Variants in TSPAN9 observed in about 807,000 individuals in gnomAD.
TSPAN9 encodes tetraspanin 9, also known as tetraspanin-9.
TSPAN9 carries 16 observed loss-of-function variants against 31.0 expected under a neutral mutation model. The ratio of observed to expected loss-of-function variants is 0.52; its 90% CI spans 0.35 to 0.78. The LOEUF is 0.78. Among genes scored for constraint, TSPAN9 ranks in the 30% least tolerant of loss-of-function variants. TSPAN9 has a pLI of 0.01. For missense variants in TSPAN9, 272 were observed against 312.5 expected, an observed-to-expected ratio of 0.87 and a Z score of 0.98; for synonymous variants, 145 against 121.6, an observed-to-expected ratio of 1.19 and a Z score of -1.27.
In TSPAN9 at chr12:3,192,282, A is replaced by G. The variant is rs892820448; in HGVS notation, c.-17-8895A>G. Among the ~76,000 whole-genome samples, 3 of 152,204 alleles carry G rather than the reference A, an allele frequency of 2.0e-5. No homozygotes were observed. Among genetic ancestry groups the G allele is most frequent in the African/African-American group, 7.2e-5 (3 of 41,456 alleles). ...TGATGAGGTTACAGTGGAGAGGCACATGAGTGGGAAGATTGCATTGGCTGC... is the reference window on the plus strand; with the variant it reads ...TGATGAGGTTACAGTGGAGAGGCACGTGAGTGGGAAGATTGCATTGGCTGC... On this transcript the variant is annotated intron_variant, in intron 2 of 8. Transcript: ENST00000011898. This position sits in a 1 kb window ranked among gnomAD's most constrained non-coding sequence, Gnocchi z 4.6.
chr12:3,241,214 A>C (rs1184156495), intron 3 of TSPAN9, among the ~76,000 whole-genome samples: 1 of 152,244 alleles, frequency 6.6e-6, no homozygotes, highest in African/African-American at 2.4e-5. Context: ...ATAAAGGACA[A>C]TTAAAAGCAA....
chr12:3,176,721 GA>G (rs1213402216), intron 2 of TSPAN9, among the ~76,000 whole-genome samples: 1 of 152,224 alleles, frequency 6.6e-6, no homozygotes, highest in Non-Finnish European at 1.5e-5. Flanking sequence ...CTACATTAGG[GA>G]AAATCCCAAG....
intron 3 of TSPAN9, among the ~76,000 whole-genome samples, chr12:3,213,717 C>T (rs2098379968): frequency 6.6e-6 from 1 of 152,160 alleles, no homozygotes; most frequent in South Asian, 2.1e-4. Flanking sequence ...TCACAAAAGC[C>T]ACTCCGTAGA....
chr12:3,164,305 AAG>A (rs2098347159), intron 2 of TSPAN9, among the ~76,000 whole-genome samples: 1 of 152,232 alleles, frequency 6.6e-6, no homozygotes, highest in African/African-American at 2.4e-5. Flanking sequence ...GCAGAAATGA[AAG>A]AGGAGTTTGC....
intron 2 of TSPAN9, among the ~76,000 whole-genome samples, chr12:3,178,907 G>A (rs2098357341): frequency 6.6e-6 from 1 of 152,228 alleles, no homozygotes; most frequent in African/African-American, 2.4e-5. Context: ...GAGACACCCT[G>A]TGGCTCGCGC....
At chr12:3,220,019 C>G (rs2098383505) in intron 3 of TSPAN9, among the ~76,000 whole-genome samples, 2 of 151,870 alleles carry the variant, frequency 1.3e-5, no homozygotes, top group South Asian at 4.2e-4. Flanking sequence ...GTGGCGCATG[C>G]TTGTAGTCCC....
At chr12:3,166,887 C>T (rs1241591027) in intron 2 of TSPAN9, among the ~76,000 whole-genome samples, 2 of 152,206 alleles carry the variant, frequency 1.3e-5, no homozygotes, top group African/African-American at 4.8e-5. Flanking sequence ...ACCTCCACCT[C>T]CCAGGTTCAA....
At position 3,103,496 on chromosome 12, in the gene TSPAN9, A is replaced by C. The variant is rs1239415059; in HGVS notation, c.-18+19777A>C. On this transcript the variant is annotated intron_variant, in intron 2 of 8. Transcript: ENST00000011898. ...GTGGTGAATCGGACTGGACGTGCCC[A>C]CCTGGGGACCTCAAAGGTCCCTAAA... Among the ~76,000 whole-genome samples, 6 of 141,272 alleles carry C rather than the reference A, an allele frequency of 4.2e-5. No individual in the cohort carries two copies. In the East Asian group the frequency reaches 9.6e-4, roughly 23 times the overall value. The allele number at this position is 141,272 out of a possible 152,430, so 92.7% of individuals were successfully genotyped here.
At position 3,283,395 on chromosome 12, in the gene TSPAN9, A is replaced by T; in HGVS notation, c.*279A>T. ...CAGGGTGGGCTGGGGTGCGCTCCGGAGGAACCCCCGGCACTGATGGGCTTC... is the reference window on the plus strand; with the variant it reads ...CAGGGTGGGCTGGGGTGCGCTCCGGTGGAACCCCCGGCACTGATGGGCTTC... On this transcript the variant is annotated 3_prime_UTR_variant, in exon 9 of 9. Transcript: ENST00000011898. 2.7e-6 allele frequency: 1 copy of T among 374,584 alleles called. No individual in the cohort carries two copies. The highest frequency in any genetic ancestry group is 4.8e-6 in the Non-Finnish European group (1 of 207,212). The allele number at this position is 374,584 out of a possible 1,614,324, so 23.2% of individuals were successfully genotyped here.
At chr12:3,175,921 A>T (rs2098355284) in intron 2 of TSPAN9, among the ~76,000 whole-genome samples, 1 of 152,138 alleles carries the variant, frequency 6.6e-6, no homozygotes, top group South Asian at 2.1e-4. Flanking sequence ...TGCATATTAA[A>T]CAGACCCACA....
At chr12:3,134,543 C>T (rs1798313422) in intron 2 of TSPAN9, among the ~76,000 whole-genome samples, 1 of 152,210 alleles carries the variant, frequency 6.6e-6, no homozygotes, top group South Asian at 2.1e-4. Flanking sequence ...CTTGCCTCCG[C>T]TCGGGGCTGC....
intron 2 of TSPAN9, among the ~76,000 whole-genome samples, chr12:3,169,829 G>C (rs1434720531): frequency 1.3e-5 from 2 of 152,212 alleles, no homozygotes; most frequent in Non-Finnish European, 2.9e-5. Flanking sequence ...GGGTGGGCAG[G>C]GTGGCTTCCT....
chr12:3,188,187 A>T (rs1436303692), intron 2 of TSPAN9, among the ~76,000 whole-genome samples: 1 of 152,200 alleles, frequency 6.6e-6, no homozygotes, highest in African/African-American at 2.4e-5. Flanking sequence ...CCTCATGGTC[A>T]CACTTAACCC....
At chr12:3,257,150 G>A (rs996532659) in intron 3 of TSPAN9, among the ~76,000 whole-genome samples, 37 of 152,074 alleles carry the variant, frequency 2.4e-4, no homozygotes, top group African/African-American at 7.5e-4. Context: ...GTGCTGCTCT[G>A]TGGGTCTTGG....
chr12:3,183,566 G>A (rs2098359518), intron 2 of TSPAN9, among the ~76,000 whole-genome samples: 1 of 152,100 alleles, frequency 6.6e-6, no homozygotes, highest in Non-Finnish European at 1.5e-5. Context: ...AGAAAGCAGG[G>A]GCTCTCAGGG....
At chr12:3,127,754 A>C (rs1372945855) in intron 2 of TSPAN9, among the ~76,000 whole-genome samples, 1 of 152,220 alleles carries the variant, frequency 6.6e-6, no homozygotes, top group East Asian at 1.9e-4. Flanking sequence ...TATTATTCTT[A>C]AGTATTATGT....
chr12:3,142,433 C>T (rs1308910286), intron 2 of TSPAN9, among the ~76,000 whole-genome samples: 3 of 152,180 alleles, frequency 2.0e-5, no homozygotes, highest in Non-Finnish European at 4.4e-5. Context: ...AGGGCTGAAA[C>T]CATTCCCAGG....
At chr12:3,127,693 TA>T (rs1474332029) in intron 2 of TSPAN9, among the ~76,000 whole-genome samples, 1 of 152,182 alleles carries the variant, frequency 6.6e-6, no homozygotes, top group Non-Finnish European at 1.5e-5. Context: ...TACTCTAAAA[TA>T]ATGGTAAAAG....
chr12:3,197,707 G>A (rs1478054845), intron 2 of TSPAN9, among the ~76,000 whole-genome samples: 1 of 138,494 alleles, frequency 7.2e-6, no homozygotes, highest in Middle Eastern at 3.9e-3. Context: ...CACCAGCACA[G>A]GTCACCACCA....
Sources: gnomAD v4.1 joint callset for allele counts (sites outside exome capture counted in the v4.1 genomes callset) on GRCh38, gnomAD v4.1.1 for gene constraint, Gnocchi (gnomAD v3.1) non-coding constraint, MANE v1.5 for transcripts, NCBI Gene and HGNC (gene_info 2026-07-23, HGNC 2026-07-21) for gene names.